CPED1: variants seen among roughly 807,000 people sequenced by gnomAD.
CPED1 encodes the protein cadherin-like and PC-esterase domain-containing protein 1.
A neutral mutation model predicts 128.2 loss-of-function variants in CPED1; 114 were observed. The ratio of observed to expected loss-of-function variants is 0.89; its 90% CI spans 0.76 to 1.04. CPED1 has a LOEUF of 1.04. Ranked by LOEUF, CPED1 falls within the 50% of genes least tolerant of loss-of-function variation. The pLI, the probability that CPED1 is intolerant of heterozygous loss-of-function variation, is 0.00. For synonymous variants in CPED1, 462 were observed against 426.7 expected (o/e 1.08, Z -1.02); for missense variants, 1,211 against 1,207.1 (o/e 1.00, Z -0.05).
At chr7:121,183,856 C>T (rs1443782487) in intron 16 of CPED1, among the ~76,000 whole-genome samples, 6 of 152,052 alleles carry the variant, frequency 3.9e-5, no homozygotes, top group Non-Finnish European at 5.9e-5. Flanking sequence ...GGGTAGAGAA[C>T]GACTGTTTTC....
In CPED1 at chr7:121,122,575, T is replaced by A. The variant is rs138583419; in HGVS notation, c.919-1756T>A. ...TCTATAAAGTAGGCACTGTTATTAA[T>A]CCCACAAAGTCTCACAACTTTGGCA... On this transcript the variant is annotated intron_variant, in intron 7 of 22. Coordinates refer to ENST00000310396, the MANE Select transcript of CPED1 (RefSeq NM_024913.5). 4.8e-3 allele frequency among the ~76,000 whole-genome samples: 728 copies of A among 152,290 alleles called. 6 individuals are homozygous for A. Among genetic ancestry groups the A allele is most frequent in the African/African-American group, 0.017 (688 of 41,564 alleles).
At chr7:121,124,987 C>T (rs1795471064) in intron 8 of CPED1, among the ~76,000 whole-genome samples, 1 of 152,078 alleles carries the variant, frequency 6.6e-6, no homozygotes, top group African/African-American at 2.4e-5. Flanking sequence ...GGAAGCACAT[C>T]AATTTAAACC....
chr7:121,099,770 G>A (rs1176656974), intron 6 of CPED1, among the ~76,000 whole-genome samples, 156 bp from the exon 7 acceptor site: 1 of 152,184 alleles, frequency 6.6e-6, no homozygotes, highest in Non-Finnish European at 1.5e-5. Context: ...TGGTGGTGAT[G>A]CTAATAAGCA....
intron 18 of CPED1, among the ~76,000 whole-genome samples, chr7:121,246,926 A>G (rs761390438): frequency 6.6e-6 from 1 of 152,232 alleles, no homozygotes; most frequent in Non-Finnish European, 1.5e-5. Flanking sequence ...CAGAACTTGC[A>G]TGCTCAGAAA....
chr7:121,132,539 T>A (rs1429850066), intron 12 of CPED1, among the ~76,000 whole-genome samples: 2 of 152,084 alleles, frequency 1.3e-5, no homozygotes, highest in Non-Finnish European at 2.9e-5. Context: ...TATATGTTTG[T>A]CCTGAGGCTC....
At chr7:121,116,922 T>C (rs1465895907) in intron 7 of CPED1, among the ~76,000 whole-genome samples, 3 of 149,648 alleles carry the variant, frequency 2.0e-5, no homozygotes, top group African/African-American at 7.4e-5. Context: ...TAGTGATTAT[T>C]ATTAAATACA....
At chr7:121,012,665 A>T (rs1452554193) in intron 2 of CPED1, among the ~76,000 whole-genome samples, 1 of 152,228 alleles carries the variant, frequency 6.6e-6, no homozygotes, top group Non-Finnish European at 1.5e-5. Context: ...GTATTGGGCC[A>T]TTCTGCTGAT....
intron 18 of CPED1, among the ~76,000 whole-genome samples, chr7:121,256,801 G>A (rs1791892558): frequency 6.6e-6 from 1 of 151,944 alleles, no homozygotes; most frequent in South Asian, 2.1e-4. Context: ...CAATAGCAAA[G>A]ACATGGAATC....
chr7:120,991,177 T>A (rs1307814513), intron 2 of CPED1, among the ~76,000 whole-genome samples: 1 of 152,246 alleles, frequency 6.6e-6, no homozygotes, highest in Non-Finnish European at 1.5e-5. Context: ...AGGAAAATTT[T>A]AAACTTTTAA....
intron 22 of CPED1, among the ~76,000 whole-genome samples, chr7:121,273,377 C>T (rs1214835882): frequency 6.6e-6 from 1 of 151,940 alleles, no homozygotes; most frequent in Non-Finnish European, 1.5e-5. Context: ...CAAAAATTAG[C>T]CAGGTGTGGT....
At chr7:121,163,282 T>C (rs1374639041) in intron 16 of CPED1, among the ~76,000 whole-genome samples, 2 of 152,190 alleles carry the variant, frequency 1.3e-5, no homozygotes, top group Admixed American at 1.3e-4. Flanking sequence ...AATTTTTTAG[T>C]CAATGTTCTT....
intron 5 of CPED1, among the ~76,000 whole-genome samples, chr7:121,072,196 A>AC (rs1315208078): frequency 2.6e-5 from 4 of 151,748 alleles, no homozygotes; most frequent in South Asian, 4.2e-4. Flanking sequence ...AAAAAAAAAA[A>AC]AAAACATGGG....
intron 16 of CPED1, among the ~76,000 whole-genome samples, chr7:121,222,137 G>A (rs764139922): frequency 6.6e-6 from 1 of 152,132 alleles, no homozygotes; most frequent in South Asian, 2.1e-4. Flanking sequence ...TTTGTATAAG[G>A]TGTAAGGAAG....
chr7:121,105,048 A>C (rs908215227), intron 7 of CPED1, among the ~76,000 whole-genome samples: 1 of 151,990 alleles, frequency 6.6e-6, no homozygotes, highest in Non-Finnish European at 1.5e-5. Flanking sequence ...GCTCTCTACC[A>C]CCGCTGCACT....
chr7:121,186,949 C>T (rs985834644), intron 16 of CPED1, among the ~76,000 whole-genome samples: 1 of 152,166 alleles, frequency 6.6e-6, no homozygotes, highest in African/African-American at 2.4e-5. Context: ...CTTCCTGCTT[C>T]CCTGCAGCAT....
chr7:121,124,964 G>A (rs796323376), intron 8 of CPED1, among the ~76,000 whole-genome samples: 22 of 152,130 alleles, frequency 1.4e-4, no homozygotes, highest in African/African-American at 4.3e-4. Context: ...AATCTCGTAC[G>A]TCAAAAAGTG....
intron 16 of CPED1, among the ~76,000 whole-genome samples, chr7:121,170,855 A>C (rs1584566429): frequency 6.6e-6 from 1 of 152,116 alleles, no homozygotes. Context: ...GTTCCAGACC[A>C]GCCTGGCCAA....
At chr7:121,085,291 C>T (rs940336565) in intron 5 of CPED1, among the ~76,000 whole-genome samples, 2 of 151,026 alleles carry the variant, frequency 1.3e-5, no homozygotes, top group Non-Finnish European at 3.0e-5. Context: ...CTGAAACAAA[C>T]TGCTGGTGTA....
In CPED1 at chr7:121,142,022, G is replaced by C; in HGVS notation, c.1936G>C (p.Val646Leu). Residue 646 changes from valine (V) to leucine (L), a missense_variant, in exon 16 of 23, where the codon GTT (valine) becomes CTT (leucine). Coordinates refer to ENST00000310396, the MANE Select transcript of CPED1 (RefSeq NM_024913.5). ...AGGAATGAACAAAATCTCAATATTT[G>C]TTGTGGATGAATCTCCAGCACACGG... ...GLGMNKISIF[V>L]VDESPAHGET... The C allele has an allele frequency of 6.2e-7, 1 of 1,612,678 alleles. No homozygotes were observed. The highest frequency in any genetic ancestry group is 8.5e-7 in the Non-Finnish European group (1 of 1,179,074).
Sources: allele counts gnomAD v4.1 joint callset (sites outside exome capture counted in the v4.1 genomes callset), GRCh38; gene constraint gnomAD v4.1.1; transcripts MANE v1.5; gene names NCBI Gene and HGNC (gene_info 2026-07-23, HGNC 2026-07-21).